Variants in CFAP54 observed in about 807,000 individuals in gnomAD.
CFAP54 encodes the protein cilia and flagella associated protein 54.
Under a neutral mutation model 370.4 loss-of-function variants are expected in CFAP54, and 290 were observed. That is an observed-to-expected ratio of 0.78 (90% CI 0.71 to 0.86). The LOEUF is 0.86. Ranked by LOEUF, CFAP54 falls within the 40% of genes least tolerant of loss-of-function variation. The pLI, the probability that CFAP54 is intolerant of heterozygous loss-of-function variation, is 0.00. For missense variants in CFAP54, 3,399 were observed against 3,528.7 expected, an observed-to-expected ratio of 0.96 and a Z score of 0.93; for synonymous variants, 1,206 against 1,236.5, an observed-to-expected ratio of 0.98 and a Z score of 0.52.
intron 5 of CFAP54, among the ~76,000 whole-genome samples, chr12:96,514,765 G>A (rs1273521634): frequency 6.6e-6 from 1 of 152,102 alleles, no homozygotes; most frequent in Non-Finnish European, 1.5e-5. Context: ...CATATACCTT[G>A]AGTTTGTCTC....
At chr12:96,675,436 C>T (rs556852364) in intron 39 of CFAP54, among the ~76,000 whole-genome samples, 27 of 152,206 alleles carry the variant, frequency 1.8e-4, no homozygotes, top group African/African-American at 4.8e-4. Flanking sequence ...AGTCAGGAAA[C>T]GACAGGTGCT....
rs571309394 is a variant in CFAP54 at position 96,567,326 on chromosome 12, G to A, written c.2619+2561G>A. On this transcript the variant is annotated intron_variant, in intron 19 of 67. Transcript: ENST00000524981. ...AGAGGAAGTAAAGATGTGTTCATAA[G>A]AAGTATTTTTCGCCAAGCTAAGAAT... is the stretch of plus-strand genomic sequence containing the variant. Among the ~76,000 whole-genome samples the A allele has an allele frequency of 2.5e-3, 381 of 152,298 alleles. 4 individuals are homozygous for A. Among genetic ancestry groups the A allele is most frequent in the Non-Finnish European group, 3.4e-3 (229 of 68,020 alleles).
rs1212003855 is a variant in CFAP54 at position 96,547,882 on chromosome 12, C to G, written c.2078-20C>G. On this transcript the variant is annotated intron_variant, in intron 14 of 67. Coordinates refer to ENST00000524981, the MANE Select transcript of CFAP54 (RefSeq NM_001306084.2). Reference sequence around the variant, plus strand: ...TTCCCCTCCATCCTTCATTCCCTTCCTCCTTCCTTTCTTTTCCAGATGTAC... The same window carrying G: ...TTCCCCTCCATCCTTCATTCCCTTCGTCCTTCCTTTCTTTTCCAGATGTAC... 19 of 1,345,088 alleles carry G rather than the reference C, an allele frequency of 1.4e-5. No individual in the cohort carries two copies. The highest frequency in any genetic ancestry group is 1.9e-5 in the Non-Finnish European group (19 of 998,518). The allele number at this position is 1,345,088 out of a possible 1,614,324, so 83.3% of individuals were successfully genotyped here.
In CFAP54 at chr12:96,572,888, T is replaced by TC. The variant is rs941530592; in HGVS notation, c.2620-3697_2620-3696insC. The TC allele has an allele frequency of 9.3e-5, 91 of 983,638 alleles. 1 individual carries two copies. In the African/African-American group the frequency reaches 1.6e-3, roughly 17 times the overall value. The allele number at this position is 983,638 out of a possible 1,614,324, so 60.9% of individuals were successfully genotyped here. Reference sequence around the variant, plus strand: ...TATAGCCATGGCAGAACACAGAAAGTTTTTTTTACCTCAGTTGGATTCATT... The same window carrying TC: ...TATAGCCATGGCAGAACACAGAAAGTCTTTTTTTACCTCAGTTGGATTCATT... On this transcript the variant is annotated intron_variant, in intron 19 of 67. Transcript: ENST00000524981.
At chr12:96,497,290 A>C (rs1162965705) in intron 1 of CFAP54, among the ~76,000 whole-genome samples, 1 of 152,204 alleles carries the variant, frequency 6.6e-6, no homozygotes, top group African/African-American at 2.4e-5. Flanking sequence ...GAAGTGAAAA[A>C]AGGTACATAT....
chr12:96,519,116 T>G, intron 6 of CFAP54, 45 bp downstream of exon 6: 2 of 1,481,446 alleles, frequency 1.4e-6, no homozygotes, highest in Non-Finnish European at 1.8e-6. Flanking sequence ...TTTTTTTTTT[T>G]GAGATGGAAT....
intron 56 of CFAP54, 117 bp downstream of exon 56, chr12:96,754,015 C>T (rs754119725): frequency 1.7e-5 from 16 of 966,536 alleles, no homozygotes; most frequent in Non-Finnish European, 2.2e-5. Flanking sequence ...ATACAAAGGG[C>T]TTAGAGATGA....
chr12:96,704,523 TTAG>T (rs564602810), intron 46 of CFAP54, among the ~76,000 whole-genome samples: 35 of 122,000 alleles, frequency 2.9e-4, no homozygotes, highest in African/African-American at 9.3e-4. Flanking sequence ...CAAAAAGAAG[TTAG>T]TAGGAAAAAC....
chr12:96,549,677 G>A (rs1955674961), intron 15 of CFAP54, among the ~76,000 whole-genome samples: 1 of 152,188 alleles, frequency 6.6e-6, no homozygotes, highest in African/African-American at 2.4e-5. Flanking sequence ...TTGAGTATAA[G>A]TGTCCTCATC....
intron 23 of CFAP54, among the ~76,000 whole-genome samples, chr12:96,592,232 G>T (rs538574660): frequency 1.6e-4 from 24 of 152,234 alleles, no homozygotes; most frequent in Non-Finnish European, 2.8e-4. Context: ...TAGTGATTTT[G>T]TTATCTTGAT....
At chr12:96,826,629 T>C (rs1269636875) in intron 65 of CFAP54, among the ~76,000 whole-genome samples, 1 of 108,332 alleles carries the variant, frequency 9.2e-6, no homozygotes, top group Non-Finnish European at 1.7e-5. Flanking sequence ...ATATATGTTA[T>C]ATATTAAATA....
chr12:96,731,149 C>G (rs1333761442), intron 50 of CFAP54, among the ~76,000 whole-genome samples: 1 of 152,194 alleles, frequency 6.6e-6, no homozygotes, highest in East Asian at 1.9e-4. Context: ...ATCAAAGCAG[C>G]AGCCCCAAAC....
chr12:96,533,133 C>G (rs567933901), intron 9 of CFAP54, among the ~76,000 whole-genome samples: 2 of 151,978 alleles, frequency 1.3e-5, no homozygotes, highest in African/African-American at 4.8e-5. Context: ...TCTTTTCTTT[C>G]TTTCTTTTTT....
At chr12:96,659,136 C>T (rs1305154436) in intron 38 of CFAP54, among the ~76,000 whole-genome samples, 2 of 152,196 alleles carry the variant, frequency 1.3e-5, no homozygotes, top group Non-Finnish European at 2.9e-5. Context: ...TCTTTCAATT[C>T]AGTTTCTACA....
chr12:96,736,769 T>C (rs1426456521), intron 50 of CFAP54, among the ~76,000 whole-genome samples: 2 of 152,190 alleles, frequency 1.3e-5, no homozygotes, highest in East Asian at 1.9e-4. Context: ...CCCATTGATA[T>C]TGATGAAAGG....
chr12:96,745,174 G>C (rs994582328), intron 55 of CFAP54, among the ~76,000 whole-genome samples: 2 of 152,138 alleles, frequency 1.3e-5, no homozygotes, highest in African/African-American at 4.8e-5. Flanking sequence ...TTTTAGAATA[G>C]AGTGATTTAT....
intron 4 of CFAP54, among the ~76,000 whole-genome samples, chr12:96,512,304 TATA>T (rs1565880080): frequency 7.3e-4 from 5 of 6,826 alleles, no homozygotes; most frequent in African/African-American, 4.1e-3. Flanking sequence ...ACCAATTTTA[TATA>T]TATATATATA....
chr12:96,750,159 G>A (rs1270073077), intron 55 of CFAP54, among the ~76,000 whole-genome samples: 1 of 152,184 alleles, frequency 6.6e-6, no homozygotes, highest in Non-Finnish European at 1.5e-5. Flanking sequence ...TTTGGATGCT[G>A]TCCCTGATTT....
chr12:96,643,658 G>A (rs1442724352), intron 32 of CFAP54, among the ~76,000 whole-genome samples: 1 of 151,548 alleles, frequency 6.6e-6, no homozygotes, highest in African/African-American at 2.4e-5. Flanking sequence ...GCTAAAATTT[G>A]AGTATATTTT....
Sources: allele counts gnomAD v4.1 joint callset (sites outside exome capture counted in the v4.1 genomes callset), GRCh38; gene constraint gnomAD v4.1.1; transcripts MANE v1.5; gene names NCBI Gene and HGNC (gene_info 2026-07-23, HGNC 2026-07-21).